Variants in CUX2 observed in about 807,000 individuals in gnomAD.
CUX2 encodes the protein cut like homeobox 2.
CUX2 carries 40 observed loss-of-function variants against 144.8 expected under a neutral mutation model. The observed-to-expected ratio is 0.28, with a 90% CI of 0.21 to 0.36. The LOEUF is 0.36. Among genes scored for constraint, CUX2 ranks in the 10% least tolerant of loss-of-function variants. CUX2 has a pLI of 1.00. For synonymous variants in CUX2, 827 were observed against 875.6 expected (o/e 0.94, Z 0.98); for missense variants, 1,615 against 1,994.0 (o/e 0.81, Z 3.62).
rs927643078 is a variant in CUX2, at chr12:111,246,716, G to A, written c.223-17045G>A. Among the ~76,000 whole-genome samples the A allele has an allele frequency of 6.6e-6, 1 of 152,172 alleles. No homozygotes were observed. Among genetic ancestry groups the A allele is most frequent in the Non-Finnish European group, 1.5e-5 (1 of 68,032 alleles). On this transcript the variant is annotated intron_variant, in intron 3 of 21. Coordinates refer to ENST00000261726, the MANE Select transcript of CUX2 (RefSeq NM_015267.4). The surrounding 1 kb of genome is among the most constrained non-coding windows in gnomAD (Gnocchi z 4.0). ...GACTGTGGGTGTTGTCTGGCAAGGC[G>A]AGGTCCTTTCTCACCTCTCACCTTT... is the stretch of plus-strand genomic sequence containing the variant.
intron 1 of CUX2, among the ~76,000 whole-genome samples, chr12:111,120,397 G>A (rs1032537123): frequency 2.6e-5 from 4 of 152,160 alleles, no homozygotes; most frequent in South Asian, 2.1e-4. Context: ...GTCAAATCAC[G>A]TCTCCTTCCC....
At position 111,121,386 on chromosome 12, in the gene CUX2, T is replaced by C. The variant is rs866439705; in HGVS notation, c.63+87146T>C. ...TCTTTTTTCTTTTTTTTTTTTTTTT[T>C]TTTTTTTTGAGACGGATTCTTGCTC... On this transcript the variant is annotated intron_variant, in intron 1 of 21. Transcript: ENST00000261726. Among the ~76,000 whole-genome samples the C allele has an allele frequency of 5.1e-3, 703 of 137,788 alleles. 9 individuals carry two copies. Among genetic ancestry groups the C allele is most frequent in the African/African-American group, 0.018 (654 of 36,252 alleles). 90.4% of individuals were successfully genotyped at this position (137,788 alleles called of 152,430 possible).
chr12:111,331,777 CTT>C (rs768563348), intron 18 of CUX2, among the ~76,000 whole-genome samples: 113 of 152,180 alleles, frequency 7.4e-4, no homozygotes, highest in Non-Finnish European at 1.5e-3. Flanking sequence ...CACAAAATGT[CTT>C]TTGAAAAATG....
rs752126465 is a variant in CUX2 at position 111,306,981 on chromosome 12, G to A, written c.919G>A (p.Asp307Asn). 1 of 1,613,768 alleles carries A rather than the reference G, an allele frequency of 6.2e-7. No individual in the cohort carries two copies. Among genetic ancestry groups the A allele is most frequent in the African/African-American group, 1.3e-5 (1 of 75,036 alleles). ...PRLEAALASKDREILRLLKDV... is the reference protein window; with the variant it reads ...PRLEAALASKNREILRLLKDV... ...GCTGGAGGCCGCGCTGGCCTCCAAG[G>A]ACAGGGAGATCCTGCGGCTGCTGAA... Residue 307 changes from aspartate to asparagine, a missense_variant, in exon 11 of 22, where the codon GAC becomes AAC. By Grantham distance (23) the Asp-to-Asn change is conservative. This residue lies in a region of CUX2 where 295 missense variants were observed against 400.2 expected (regional missense o/e 0.74). Coordinates refer to ENST00000261726, the MANE Select transcript of CUX2 (RefSeq NM_015267.4).
At chr12:111,040,885 C>T (rs1224185317) in intron 1 of CUX2, among the ~76,000 whole-genome samples, 5 of 152,184 alleles carry the variant, frequency 3.3e-5, no homozygotes, top group African/African-American at 4.8e-5. Flanking sequence ...GGCAGGGGGC[C>T]GGTTTTGGCC....
chr12:111,102,379 C>T (rs930109105), intron 1 of CUX2, among the ~76,000 whole-genome samples: 1 of 152,204 alleles, frequency 6.6e-6, no homozygotes, highest in African/African-American at 2.4e-5. Flanking sequence ...TGTGGGCATC[C>T]GAGACTGTTT....
chr12:111,179,698 GT>G (rs1879053653), intron 1 of CUX2, among the ~76,000 whole-genome samples: 2 of 148,658 alleles, frequency 1.3e-5, no homozygotes, highest in Non-Finnish European at 3.0e-5. Context: ...TTTTTTTGGT[GT>G]TGAGTCTCAC....
intron 1 of CUX2, among the ~76,000 whole-genome samples, chr12:111,076,292 A>G (rs2136036824): frequency 6.6e-6 from 1 of 152,362 alleles, no homozygotes; most frequent in South Asian, 2.1e-4. Context: ...AACACCTGGC[A>G]TATAATAGCA....
intron 1 of CUX2, among the ~76,000 whole-genome samples, chr12:111,050,459 T>C (rs1870210828): frequency 6.6e-6 from 1 of 152,210 alleles, no homozygotes; most frequent in South Asian, 2.1e-4. Context: ...TTGACTTTTC[T>C]TGAATGTCTG....
chr12:111,140,174 C>T (rs1173911202), intron 1 of CUX2, among the ~76,000 whole-genome samples: 1 of 152,152 alleles, frequency 6.6e-6, no homozygotes, highest in African/African-American at 2.4e-5. Context: ...CAGGTCAGCG[C>T]TGCTTGCAAA....
Position 111,320,094 on chromosome 12 carries a change from C to A in CUX2, c.2085C>A (p.Ser695Arg). 1 of 1,557,600 alleles carries A rather than the reference C, an allele frequency of 6.4e-7. No individual in the cohort carries two copies. Among genetic ancestry groups the A allele is most frequent in the Non-Finnish European group, 8.7e-7 (1 of 1,154,930 alleles). Residue 695 changes from serine to arginine, a missense_variant, in exon 17 of 22, where the codon AGC becomes AGA. Ser to Arg is a moderately radical substitution (Grantham distance 110, BLOSUM62 -1). Transcript: ENST00000261726. This position sits in a 1 kb window ranked among gnomAD's most constrained non-coding sequence, Gnocchi z 8.1. ...PASTSEDAIK[S>R]ILEQARREMQ... ...GCACCTCGGAGGACGCCATCAAGAG[C>A]ATCCTGGAGCAGGCACGCCGTGAGA...
chr12:111,095,957 C>T (rs965343563), intron 1 of CUX2, among the ~76,000 whole-genome samples: 1 of 152,276 alleles, frequency 6.6e-6, no homozygotes, highest in East Asian at 1.9e-4. Context: ...CTGCTCCGTG[C>T]AGGAGCAGTG....
At chr12:111,166,630 G>C (rs11836647) in intron 1 of CUX2, among the ~76,000 whole-genome samples, 5,881 of 152,176 alleles carry the variant, frequency 0.039, 174 homozygotes, top group African/African-American at 0.083. Context: ...TGATGGAGGG[G>C]CCAGGCTTTG....
intron 1 of CUX2, among the ~76,000 whole-genome samples, chr12:111,155,443 T>G (rs953992922): frequency 2.6e-5 from 4 of 152,232 alleles, no homozygotes; most frequent in Admixed American, 6.5e-5. Flanking sequence ...TACAAGCACC[T>G]TGTCCCATTG....
At chr12:111,070,542 C>T (rs1280585132) in intron 1 of CUX2, among the ~76,000 whole-genome samples, 1 of 151,978 alleles carries the variant, frequency 6.6e-6, no homozygotes, top group African/African-American at 2.4e-5. Context: ...ATGTGCATAG[C>T]CTCCCCCATT....
intron 1 of CUX2, among the ~76,000 whole-genome samples, chr12:111,092,124 C>T (rs1872591616): frequency 6.6e-6 from 1 of 152,166 alleles, no homozygotes; most frequent in South Asian, 2.1e-4. Flanking sequence ...ACAATTCAAC[C>T]CAATACCAGC....
rs1363353565 is a variant in CUX2 at position 111,287,312 on chromosome 12, G to A, written c.302-4106G>A. Reference sequence around the variant, plus strand: ...CACGAGCCGGATCCTCCCCCTCCTTGGAACCGGAGCAAGCCCTCCGTGGCC... The same window carrying A: ...CACGAGCCGGATCCTCCCCCTCCTTAGAACCGGAGCAAGCCCTCCGTGGCC... On this transcript the variant is annotated intron_variant, in intron 4 of 21. Coordinates refer to ENST00000261726, the MANE Select transcript of CUX2 (RefSeq NM_015267.4). The surrounding 1 kb of genome is among the most constrained non-coding windows in gnomAD (Gnocchi z 4.2). 6.6e-6 allele frequency among the ~76,000 whole-genome samples: 1 copy of A among 152,256 alleles called. No individual in the cohort carries two copies. Among genetic ancestry groups the A allele is most frequent in the Admixed American group, 6.5e-5 (1 of 15,294 alleles).
rs1381286920 is a variant in CUX2, at chr12:111,263,440, C to T, written c.223-321C>T. On this transcript the variant is annotated intron_variant, in intron 3 of 21. Transcript: ENST00000261726. This position sits in a 1 kb window ranked among gnomAD's most constrained non-coding sequence, Gnocchi z 4.0. Reference sequence around the variant, plus strand: ...GGCCAACGTGGTCAAACCGTCTCTACCAAAAGTACAAAAAAATTAGCTGGG... The same window carrying T: ...GGCCAACGTGGTCAAACCGTCTCTATCAAAAGTACAAAAAAATTAGCTGGG... Among the ~76,000 whole-genome samples, 1 of 152,096 alleles carries T rather than the reference C, an allele frequency of 6.6e-6. No individual in the cohort carries two copies. The highest frequency in any genetic ancestry group is 1.5e-5 in the Non-Finnish European group (1 of 68,012).
intron 3 of CUX2, among the ~76,000 whole-genome samples, chr12:111,259,031 C>CTGTGTG (rs57814010): frequency 0.038 from 5,077 of 132,102 alleles, 70 homozygotes; most frequent in South Asian, 0.096. Context: ...CCACACCCAG[C>CTGTGTG]TGTGTGTGTG....
Sources: allele counts gnomAD v4.1 joint callset (sites outside exome capture counted in the v4.1 genomes callset), GRCh38; gene constraint gnomAD v4.1.1; regional missense constraint gnomAD v4.1.1; non-coding constraint Gnocchi (gnomAD v3.1); transcripts MANE v1.5; gene names NCBI Gene and HGNC (gene_info 2026-07-23, HGNC 2026-07-21).